SUV39H2: variants seen among roughly 807,000 people sequenced by gnomAD.
SUV39H2 encodes the protein SUV39H2 histone lysine methyltransferase, also known as histone-lysine N-methyltransferase SUV39H2.
SUV39H2 carries 10 observed loss-of-function variants against 47.5 expected under a neutral mutation model. The observed-to-expected ratio is 0.21, with a 90% CI of 0.13 to 0.36. The LOEUF is 0.36. Ranked by LOEUF, SUV39H2 falls within the 10% of genes least tolerant of loss-of-function variation. The probability of loss-of-function intolerance (pLI) is 1.00; values close to 1 mark genes in which losing one functional copy is unlikely to be tolerated. For missense variants in SUV39H2, 266 were observed against 487.4 expected (o/e 0.55, Z 4.28); for synonymous variants, 159 against 166.8 (o/e 0.95, Z 0.36).
At chr10:14,892,943 C>T (rs1004164897) in intron 2 of SUV39H2, among the ~76,000 whole-genome samples, 1 of 151,582 alleles carries the variant, frequency 6.6e-6, no homozygotes, top group Non-Finnish European at 1.5e-5. Context: ...CCTCAGCCTC[C>T]CAAGTAGCTG....
chr10:14,878,985 G>C, intron 1 of SUV39H2, 66 bp downstream of exon 1: 1 of 1,346,162 alleles, frequency 7.4e-7, no homozygotes, highest in Non-Finnish European at 9.6e-7. Context: ...CCCGGGCGGC[G>C]GGGCCGTCCC....
intron 2 of SUV39H2, among the ~76,000 whole-genome samples, chr10:14,893,318 C>A (rs1454833285): frequency 6.6e-6 from 1 of 151,608 alleles, no homozygotes; most frequent in Non-Finnish European, 1.5e-5. Context: ...ATTTTTAGTA[C>A]AGATGGGGTT....
chr10:14,879,139 C>G, intron 1 of SUV39H2: 1 of 1,243,144 alleles, frequency 8.0e-7, no homozygotes, highest in Non-Finnish European at 1.0e-6. Flanking sequence ...TGGGCACTGT[C>G]CGAGCCTGGG....
At chr10:14,880,577 A>G (rs1419973873) in intron 1 of SUV39H2, among the ~76,000 whole-genome samples, 2 of 152,168 alleles carry the variant, frequency 1.3e-5, no homozygotes, top group Non-Finnish European at 2.9e-5. Context: ...GATTTTGTCA[A>G]GTGCTTACCA....
chr10:14,892,521 C>T (rs1265694931), intron 2 of SUV39H2, among the ~76,000 whole-genome samples: 1 of 152,176 alleles, frequency 6.6e-6, no homozygotes, highest in Non-Finnish European at 1.5e-5. Flanking sequence ...TTCATCCTGC[C>T]ATGTTCCCTA....
rs1310715397 is a variant in SUV39H2, at chr10:14,883,801, A to G, written c.177+2156A>G. ...ACTTTTCATTATCCCAAAAAGAAAC[A>G]GTAAACCCCTTAGCTACCACCTGTT... On this transcript the variant is annotated intron_variant, in intron 2 of 5. Transcript: ENST00000354919. 3.3e-5 allele frequency among the ~76,000 whole-genome samples: 5 copies of G among 151,986 alleles called. No homozygotes were observed. The East Asian group carries it at 9.7e-4, about 29-fold the overall frequency.
chr10:14,897,566 C>T, intron 3 of SUV39H2, 49 bp downstream of exon 3: 1 of 1,420,186 alleles, frequency 7.0e-7, no homozygotes, highest in Non-Finnish European at 9.3e-7. Context: ...AAGGTTTATA[C>T]TTTTGGAAAA....
chr10:14,889,650 A>C (rs1008494629), intron 2 of SUV39H2, among the ~76,000 whole-genome samples: 23 of 152,202 alleles, frequency 1.5e-4, no homozygotes, highest in Non-Finnish European at 2.8e-4. Flanking sequence ...CATTAGTAAC[A>C]AAGGTCATAC....
intron 2 of SUV39H2, among the ~76,000 whole-genome samples, chr10:14,885,506 C>T (rs1352075576): frequency 6.6e-6 from 1 of 152,210 alleles, no homozygotes; most frequent in Non-Finnish European, 1.5e-5. Context: ...TCTGTGCTTA[C>T]ATTAAGGGAG....
intron 5 of SUV39H2, among the ~76,000 whole-genome samples, chr10:14,901,723 C>G (rs1442017484): frequency 6.6e-6 from 1 of 151,490 alleles, no homozygotes; most frequent in East Asian, 1.9e-4. Flanking sequence ...CCCAGCTACT[C>G]GGGAGGCTGA....
Position 14,897,443 on chromosome 10 carries a change from A to G in SUV39H2, c.775A>G (p.Asn259Asp). 2 of 1,612,458 alleles carry G rather than the reference A, an allele frequency of 1.2e-6. No homozygotes were observed. Among genetic ancestry groups the G allele is most frequent in the Non-Finnish European group, 1.7e-6 (2 of 1,178,872 alleles). Residue 259 changes from asparagine to aspartate, a missense_variant, in exon 3 of 6, where the codon AAT becomes GAT. Transcript: ENST00000354919. ...QYSLCIFRTS[N>D]GRGWGVKTLV... ...TTCGCTTTGCATCTTTCGAACTAGC[A>G]ATGGACGTGGCTGGGGTGTAAAGAC... is the stretch of plus-strand genomic sequence containing the variant.
intron 2 of SUV39H2, among the ~76,000 whole-genome samples, chr10:14,883,050 G>A (rs930927167): frequency 1.3e-5 from 2 of 151,902 alleles, no homozygotes; most frequent in African/African-American, 4.8e-5. Context: ...GTATTTTTTA[G>A]TAGAGATGGG....
chr10:14,885,860 A>G (rs1409754215), intron 2 of SUV39H2, among the ~76,000 whole-genome samples: 1 of 152,160 alleles, frequency 6.6e-6, no homozygotes, highest in Non-Finnish European at 1.5e-5. Context: ...TACTGTCTCA[A>G]TACCATAGTC....
At chr10:14,892,574 C>T (rs1295335899) in intron 2 of SUV39H2, among the ~76,000 whole-genome samples, 2 of 152,116 alleles carry the variant, frequency 1.3e-5, no homozygotes, top group Non-Finnish European at 2.9e-5. Flanking sequence ...GTGTGTACTG[C>T]TTTCTGTCTT....
At chr10:14,882,787 A>G (rs966626517) in intron 2 of SUV39H2, among the ~76,000 whole-genome samples, 1 of 150,840 alleles carries the variant, frequency 6.6e-6, no homozygotes, top group Non-Finnish European at 1.5e-5. Flanking sequence ...TACCTTCACC[A>G]CCAGCTGTTC....
At chr10:14,890,926 A>G (rs1833368732) in intron 2 of SUV39H2, among the ~76,000 whole-genome samples, 1 of 152,210 alleles carries the variant, frequency 6.6e-6, no homozygotes, top group South Asian at 2.1e-4. Context: ...TGTATATTAC[A>G]TACCTTTTGG....
intron 5 of SUV39H2, among the ~76,000 whole-genome samples, chr10:14,901,789 C>T (rs1834039142): frequency 6.6e-6 from 1 of 151,704 alleles, no homozygotes; most frequent in Non-Finnish European, 1.5e-5. Flanking sequence ...CTGTGAATAG[C>T]ACCACTGCAC....
intron 1 of SUV39H2, chr10:14,879,245 A>G (rs1205373131): frequency 1.7e-5 from 10 of 601,686 alleles, no homozygotes; most frequent in Non-Finnish European, 2.0e-5. Context: ...GCTCCCCGGC[A>G]GTCCCCGGTT....
At chr10:14,884,042 A>T (rs994123917) in intron 2 of SUV39H2, among the ~76,000 whole-genome samples, 8 of 152,332 alleles carry the variant, frequency 5.3e-5, no homozygotes, top group Admixed American at 3.9e-4. Flanking sequence ...ATAATATTTC[A>T]TTGTATGGAT....
Sources: allele counts gnomAD v4.1 joint callset (sites outside exome capture counted in the v4.1 genomes callset), GRCh38; gene constraint gnomAD v4.1.1; transcripts MANE v1.5; gene names NCBI Gene and HGNC (gene_info 2026-07-23, HGNC 2026-07-21).